ADGRL3: variants seen among roughly 807,000 people sequenced by gnomAD.
ADGRL3 encodes calcium-independent alpha-latrotoxin receptor 3.
Under a neutral mutation model 153.5 loss-of-function variants are expected in ADGRL3, and 62 were observed. The ratio of observed to expected loss-of-function variants is 0.40; its 90% CI spans 0.33 to 0.50. The LOEUF is 0.50. Among genes scored for constraint, ADGRL3 ranks in the 20% least tolerant of loss-of-function variants. The probability of loss-of-function intolerance (pLI) is 0.47; values close to 1 mark genes in which losing one functional copy is unlikely to be tolerated. For missense variants in ADGRL3, 1,641 were observed against 1,859.4 expected (o/e 0.88, Z 2.16); for synonymous variants, 710 against 672.5 (o/e 1.06, Z -0.86).
chr4:61,448,134 C>T (rs2097609631), intron 2 of ADGRL3, among the ~76,000 whole-genome samples: 1 of 152,120 alleles, frequency 6.6e-6, no homozygotes, highest in Admixed American at 6.6e-5. Flanking sequence ...GTGGTGTGCA[C>T]AGAGTAGTAA....
intron 2 of ADGRL3, among the ~76,000 whole-genome samples, chr4:61,424,091 G>A (rs2097246154): frequency 6.6e-6 from 1 of 152,110 alleles, no homozygotes; most frequent in African/African-American, 2.4e-5. Flanking sequence ...CACTCAGGGG[G>A]TGAAGGGGCA....
chr4:61,896,322 A>C (rs2149656812), intron 11 of ADGRL3, among the ~76,000 whole-genome samples: 1 of 152,282 alleles, frequency 6.6e-6, no homozygotes, highest in Admixed American at 6.5e-5. Flanking sequence ...CAATATGTTG[A>C]ACATTTTTAT....
Position 61,867,630 on chromosome 4 carries a change from T to C in ADGRL3, c.1481-25026T>C, listed in dbSNP as rs866833549. Among the ~76,000 whole-genome samples the C allele has an allele frequency of 6.8e-4, 102 of 149,266 alleles. No homozygotes were observed. The Middle Eastern group carries it at 0.011, about 16-fold the overall frequency. Reference sequence around the variant, plus strand: ...GACAAATTAACAAGAGAAAAGCGTATAGATTTATTTAATATGTTTTATGTG... The same window carrying C: ...GACAAATTAACAAGAGAAAAGCGTACAGATTTATTTAATATGTTTTATGTG... On this transcript the variant is annotated intron_variant, in intron 9 of 26. Transcript: ENST00000683033.
chr4:61,725,609 AAAAAAAAAC>A (rs2096318298), intron 6 of ADGRL3, among the ~76,000 whole-genome samples: 1 of 47,866 alleles, frequency 2.1e-5, no homozygotes, highest in Non-Finnish European at 4.0e-5. Flanking sequence ...AAAAAAAACC[AAAAAAAAAC>A]AAAAAAAAAC....
intron 25 of ADGRL3, among the ~76,000 whole-genome samples, chr4:62,045,199 T>TTC (rs138004853): frequency 0.026 from 3,944 of 151,698 alleles, 179 homozygotes; most frequent in African/African-American, 0.092. Context: ...GATCTTTGCA[T>TTC]TCTCTCTCTC....
chr4:61,677,625 G>A (rs568625216), intron 6 of ADGRL3, among the ~76,000 whole-genome samples: 78 of 151,904 alleles, frequency 5.1e-4, no homozygotes, highest in African/African-American at 1.5e-3. Flanking sequence ...TATCTAACTC[G>A]TTAATTATTT....
At chr4:61,990,882 G>GTATCACA (rs1261643872) in intron 19 of ADGRL3, among the ~76,000 whole-genome samples, 3 of 151,430 alleles carry the variant, frequency 2.0e-5, no homozygotes, top group Non-Finnish European at 2.9e-5. Flanking sequence ...GTTTACCCGA[G>GTATCACA]TATCACATTC....
intron 9 of ADGRL3, among the ~76,000 whole-genome samples, chr4:61,887,309 G>A (rs1299963900): frequency 6.6e-6 from 1 of 151,984 alleles, no homozygotes; most frequent in Non-Finnish European, 1.5e-5. Context: ...TCTTCTTAAA[G>A]TGTTAAGGAA....
At chr4:61,670,951 C>T (rs1027154793) in intron 5 of ADGRL3, among the ~76,000 whole-genome samples, 2 of 152,270 alleles carry the variant, frequency 1.3e-5, no homozygotes, top group East Asian at 3.9e-4. Context: ...CTAGAAAGTC[C>T]TTTCTGAGCA....
intron 17 of ADGRL3, among the ~76,000 whole-genome samples, chr4:61,971,111 G>A (rs576076185): frequency 6.6e-6 from 1 of 151,958 alleles, no homozygotes; most frequent in Non-Finnish European, 1.5e-5. Flanking sequence ...ACAATATGTT[G>A]AAGAGGCAAT....
chr4:61,849,146 T>C (rs1355470227), intron 9 of ADGRL3, among the ~76,000 whole-genome samples: 1 of 152,176 alleles, frequency 6.6e-6, no homozygotes, highest in Non-Finnish European at 1.5e-5. Flanking sequence ...TGGTCTGGAT[T>C]CCTTTTTTCT....
At chr4:61,593,864 G>A (rs1031041656) in intron 5 of ADGRL3, among the ~76,000 whole-genome samples, 1 of 152,062 alleles carries the variant, frequency 6.6e-6, no homozygotes, top group Non-Finnish European at 1.5e-5. Context: ...GGTTTGGAAA[G>A]TTCTCTGATA....
chr4:61,285,890 C>T (rs1052698271), intron 1 of ADGRL3, among the ~76,000 whole-genome samples: 1 of 151,626 alleles, frequency 6.6e-6, no homozygotes, highest in African/African-American at 2.4e-5. Context: ...TTTTTTTTCC[C>T]CTCCAACTCA....
intron 5 of ADGRL3, among the ~76,000 whole-genome samples, chr4:61,670,588 G>A (rs1043558407): frequency 7.2e-5 from 11 of 152,166 alleles, no homozygotes; most frequent in Non-Finnish European, 1.6e-4. Flanking sequence ...AATAAGGCAT[G>A]TAAACACCAG....
Position 61,781,331 on chromosome 4 carries a change from C to CAAAAAAAA in ADGRL3, c.1400-32469_1400-32462dup, listed in dbSNP as rs71281828. Among the ~76,000 whole-genome samples, 82 of 64,410 alleles carry CAAAAAAAA rather than the reference C, an allele frequency of 1.3e-3. 1 individual carries two copies. The highest frequency in any genetic ancestry group is 5.2e-3 in the African/African-American group (79 of 15,094). The allele number at this position is 64,410 out of a possible 152,430, so 42.3% of individuals were successfully genotyped here. A position where few individuals can be genotyped will look rare whatever the true frequency, so the allele number is the denominator to read the frequency against. ...GGCAAAAAGAGCAAAATTCTGCCTC[C>CAAAAAAAA]AAAAAAAAAAAAAAAAGAAAAGAAA... On this transcript the variant is annotated intron_variant, in intron 8 of 26. Coordinates refer to ENST00000683033, the MANE Select transcript of ADGRL3 (RefSeq NM_001387552.1).
At chr4:61,746,732 C>A (rs553367758) in intron 8 of ADGRL3, among the ~76,000 whole-genome samples, 1 of 152,194 alleles carries the variant, frequency 6.6e-6, no homozygotes, top group African/African-American at 2.4e-5. Context: ...ATTTATAGCA[C>A]TAAATGTCCA....
chr4:61,382,055 T>G (rs2096675279), intron 1 of ADGRL3, among the ~76,000 whole-genome samples: 1 of 151,972 alleles, frequency 6.6e-6, no homozygotes, highest in Admixed American at 6.6e-5. Context: ...TAGTATATCT[T>G]ATTTTAATCA....
intron 9 of ADGRL3, among the ~76,000 whole-genome samples, chr4:61,863,203 C>A (rs997196695): frequency 6.9e-6 from 1 of 143,918 alleles, no homozygotes; most frequent in Non-Finnish European, 1.5e-5. Context: ...AGGAAACGTG[C>A]TTGTGTACAT....
rs527489341 is a variant in ADGRL3, at chr4:61,762,011, T to C, written c.1399+28457T>C. 8.5e-4 allele frequency among the ~76,000 whole-genome samples: 129 copies of C among 152,348 alleles called. No homozygotes were observed. In the South Asian group the frequency reaches 9.3e-3, roughly 11 times the overall value. On this transcript the variant is annotated intron_variant, in intron 8 of 26. Coordinates refer to ENST00000683033, the MANE Select transcript of ADGRL3 (RefSeq NM_001387552.1). ...ACTTCAGAGTATTTATTAGAGTATG[T>C]TTCATGAATTTGTTTGAAGATAGAG...
Sources: allele counts gnomAD v4.1 joint callset (sites outside exome capture counted in the v4.1 genomes callset), GRCh38; gene constraint gnomAD v4.1.1; transcripts MANE v1.5; gene names NCBI Gene and HGNC (gene_info 2026-07-23, HGNC 2026-07-21).